Variants in TENT5D observed in about 807,000 individuals in gnomAD.
TENT5D encodes cancer/testis antigen 112.
For synonymous variants in TENT5D, 103 were observed against 100.6 expected, an observed-to-expected ratio of 1.02 and a Z score of -0.15; for missense variants, 191 against 287.0, an observed-to-expected ratio of 0.67 and a Z score of 2.42.
intron 3 of TENT5D, among the ~76,000 whole-genome samples, chrX:80,403,575 A>G (rs184260731): frequency 1.8e-5 from 2 of 112,502 alleles, no homozygotes; most frequent in African/African-American, 6.5e-5. Context: ...GCTGTGCTTT[A>G]TAAGATGTTT....
intron 2 of TENT5D, among the ~76,000 whole-genome samples, chrX:80,341,639 C>T (rs1929958061): frequency 9.0e-6 from 1 of 111,340 alleles, no homozygotes; most frequent in Non-Finnish European, 1.9e-5. Flanking sequence ...CTTTCATCCT[C>T]TCTAAACCTC....
intron 3 of TENT5D, among the ~76,000 whole-genome samples, chrX:80,400,848 T>G (rs1048032701): frequency 1.8e-5 from 2 of 111,810 alleles, no homozygotes; most frequent in African/African-American, 3.2e-5. Context: ...GGTAGTATGA[T>G]CTCTCCAGCT....
intron 3 of TENT5D, among the ~76,000 whole-genome samples, chrX:80,405,496 C>T (rs935862435): frequency 3.6e-5 from 4 of 112,415 alleles, no homozygotes; most frequent in East Asian, 2.8e-4. Flanking sequence ...CGGTGACGGA[C>T]GCACCTGGAA....
intron 3 of TENT5D, among the ~76,000 whole-genome samples, chrX:80,405,738 G>T (rs1342754164): frequency 8.9e-6 from 1 of 112,607 alleles, no homozygotes; most frequent in Non-Finnish European, 1.9e-5. Flanking sequence ...AGCTCGAACT[G>T]GGTGGAGCCC....
chrX:80,395,689 T>A (rs1931226615), intron 3 of TENT5D, among the ~76,000 whole-genome samples: 1 of 110,885 alleles, frequency 9.0e-6, no homozygotes, highest in Non-Finnish European at 1.9e-5. Context: ...CATTTATCAT[T>A]TATTTGTGTT....
Position 80,362,450 on chromosome X carries a change from A to C in TENT5D, c.-142+19886A>C, listed in dbSNP as rs201229844. On this transcript the variant is annotated intron_variant, in intron 3 of 4. Coordinates refer to the TENT5D transcript ENST00000538312. ...AGTGCTGGGATTACAGGCATGAGCC[A>C]CCGTGCCCGGCTGATTTTCATTTTT... 1.2e-4 allele frequency among the ~76,000 whole-genome samples: 13 copies of C among 112,383 alleles called. No individual in the cohort carries two copies. In the East Asian group the frequency reaches 3.6e-3, roughly 31 times the overall value.
chrX:80,337,773 CTT>C (rs745820671), intron 2 of TENT5D, among the ~76,000 whole-genome samples: 2 of 104,568 alleles, frequency 1.9e-5, no homozygotes, highest in Non-Finnish European at 2.0e-5. Flanking sequence ...TATAATTTTC[CTT>C]TTTTTTTTTG....
upstream of TENT5D, chrX:80,420,383 T>C (rs909815674): frequency 3.6e-5 from 4 of 110,909 alleles, no homozygotes; most frequent in Non-Finnish European, 5.7e-5. Context: ...TTCCCCCATC[T>C]ATAAGAGCAT....
intron 3 of TENT5D, among the ~76,000 whole-genome samples, chrX:80,366,691 A>T (rs1930518189): frequency 9.0e-6 from 1 of 111,546 alleles, no homozygotes; most frequent in African/African-American, 3.2e-5. Context: ...TCAAATAGCC[A>T]TATGAAGTAT....
At chrX:80,358,922 G>T (rs937544285) in intron 3 of TENT5D, among the ~76,000 whole-genome samples, 1 of 111,737 alleles carries the variant, frequency 8.9e-6, no homozygotes, top group African/African-American at 3.2e-5. Flanking sequence ...ATTTGGATAG[G>T]TCAAGGGATG....
At chrX:80,378,322 C>G in intron 3 of TENT5D, among the ~76,000 whole-genome samples, 1 of 111,505 alleles carries the variant, frequency 9.0e-6, no homozygotes, top group South Asian at 3.8e-4. Flanking sequence ...ATGCCTATGT[C>G]CTGAATGGTA....
At chrX:80,407,538 C>T (rs1931529650) in intron 3 of TENT5D, among the ~76,000 whole-genome samples, 1 of 108,077 alleles carries the variant, frequency 9.3e-6, no homozygotes, top group African/African-American at 3.4e-5. Context: ...ATCAATTCAA[C>T]AAGAAGAGCT....
chrX:80,393,811 T>C (rs1378765286), intron 3 of TENT5D, among the ~76,000 whole-genome samples: 1 of 112,075 alleles, frequency 8.9e-6, no homozygotes, highest in Non-Finnish European at 1.9e-5. Context: ...GCAGTATTTG[T>C]TTTTTTGTGT....
At chrX:80,392,661 C>T (rs1339457275) in intron 3 of TENT5D, among the ~76,000 whole-genome samples, 4 of 104,098 alleles carry the variant, frequency 3.8e-5, no homozygotes, top group South Asian at 4.6e-4. Context: ...GGAGTACAGG[C>T]GCCCGCCACC....
chrX:80,396,694 C>G (rs1476235876), intron 3 of TENT5D, among the ~76,000 whole-genome samples: 2 of 105,397 alleles, frequency 1.9e-5, no homozygotes, highest in Admixed American at 2.1e-4. Context: ...GACACGGCAA[C>G]CATCCGATTT....
chrX:80,373,260 G>T (rs1361696712), intron 3 of TENT5D, among the ~76,000 whole-genome samples: 1 of 110,840 alleles, frequency 9.0e-6, no homozygotes, highest in Non-Finnish European at 1.9e-5. Flanking sequence ...TCAGGATTGT[G>T]ATGTTCTGGA....
intron 3 of TENT5D, among the ~76,000 whole-genome samples, chrX:80,366,132 G>T (rs1255570129): frequency 9.1e-6 from 1 of 109,727 alleles, no homozygotes; most frequent in Non-Finnish European, 1.9e-5. Flanking sequence ...TGACAGTATT[G>T]ACAGTGTCAT....
intron 3 of TENT5D, among the ~76,000 whole-genome samples, chrX:80,377,667 G>T (rs1930761449): frequency 8.9e-6 from 1 of 112,005 alleles, no homozygotes; most frequent in South Asian, 3.7e-4. Flanking sequence ...CCATGTCTTT[G>T]CTGTTGTGAA....
intron 3 of TENT5D, among the ~76,000 whole-genome samples, chrX:80,382,963 C>T (rs1332310548): frequency 8.9e-6 from 1 of 112,010 alleles, no homozygotes; most frequent in Non-Finnish European, 1.9e-5. Context: ...TGAGGGGATG[C>T]CCCACCCTGC....
Sources: gnomAD v4.1 joint callset for allele counts (sites outside exome capture counted in the v4.1 genomes callset) on GRCh38, gnomAD v4.1.1 for gene constraint, MANE v1.5 for transcripts, NCBI Gene and HGNC (gene_info 2026-07-23, HGNC 2026-07-21) for gene names.